The following ARHGAP32 variants were observed in gnomAD, a reference collection of about 807,000 sequenced individuals.
ARHGAP32 encodes the protein Rho GTPase activating protein 32, also known as rho GTPase-activating protein 32.
A neutral mutation model predicts 186.5 loss-of-function variants in ARHGAP32; 51 were observed. The ratio of observed to expected loss-of-function variants is 0.27; its 90% CI spans 0.22 to 0.35. The LOEUF (loss-of-function observed/expected upper bound fraction) is 0.35, where lower values mean the gene tolerates loss of function less well. Ranked by LOEUF, ARHGAP32 falls within the 10% of genes least tolerant of loss-of-function variation. The pLI is 1.00. For missense variants in ARHGAP32, 2,186 were observed against 2,623.5 expected (o/e 0.83, Z 3.64); for synonymous variants, 950 against 964.3 (o/e 0.99, Z 0.27).
Position 129,123,605 on chromosome 11 carries a change from T to A in ARHGAP32, c.360-75A>T. On this transcript the variant is annotated intron_variant, in intron 4 of 22. Coordinates refer to ENST00000682385, the MANE Select transcript of ARHGAP32 (RefSeq NM_001378024.1). This position sits in a 1 kb window ranked among gnomAD's most constrained non-coding sequence, Gnocchi z 4.6. The stretch of plus-strand genomic sequence containing the variant: ...TACTAAGTTTAAGGGAAAAATACAG[T>A]GGATTTAAGAGCTCATGCAAGCAAA... The A allele has an allele frequency of 7.4e-7, 1 of 1,359,822 alleles. No individual in the cohort carries two copies. The highest frequency in any genetic ancestry group is 1.0e-6 in the Non-Finnish European group (1 of 967,000). 84.2% of individuals were successfully genotyped at this position (1,359,822 alleles called of 1,614,324 possible). A position where few individuals can be genotyped will look rare whatever the true frequency, so the allele number is the denominator to read the frequency against.
intron 1 of ARHGAP32, among the ~76,000 whole-genome samples, chr11:129,228,395 A>G (rs1944813477): frequency 6.6e-6 from 1 of 152,208 alleles, no homozygotes; most frequent in Non-Finnish European, 1.5e-5. Context: ...GAAAAAAATA[A>G]GAGTAAAATC....
At chr11:128,976,114 T>TCACCCATAAAATTA (rs1945536119) in intron 20 of ARHGAP32, among the ~76,000 whole-genome samples, 6 of 151,644 alleles carry the variant, frequency 4.0e-5, no homozygotes, top group Admixed American at 3.9e-4. Flanking sequence ...CACAAATGTA[T>TCACCCATAAAATTA]TGATCACCCA....
chr11:129,073,237 C>G (rs577343380), intron 6 of ARHGAP32, among the ~76,000 whole-genome samples: 1 of 151,990 alleles, frequency 6.6e-6, no homozygotes, highest in East Asian at 1.9e-4. Flanking sequence ...AAAAAAACAC[C>G]GTTTAAAAAG....
intron 10 of ARHGAP32, among the ~76,000 whole-genome samples, chr11:129,042,399 G>A (rs1274349523): frequency 1.3e-5 from 2 of 152,174 alleles, no homozygotes; most frequent in Non-Finnish European, 2.9e-5. Flanking sequence ...GGATTCCTAT[G>A]CACTGCCTTC....
At chr11:129,186,667 GAAAAAAT>G (rs1944167632) in intron 1 of ARHGAP32, among the ~76,000 whole-genome samples, 1 of 152,032 alleles carries the variant, frequency 6.6e-6, no homozygotes, top group Non-Finnish European at 1.5e-5. Flanking sequence ...AACTCTATAG[GAAAAAAT>G]GTAATAATCC....
intron 5 of ARHGAP32, among the ~76,000 whole-genome samples, chr11:129,117,390 A>G (rs1018566355): frequency 1.3e-5 from 2 of 151,956 alleles, no homozygotes; most frequent in Non-Finnish European, 2.9e-5. Context: ...TTTTTATTGT[A>G]ATTCTGATTA....
chr11:129,076,515 T>C (rs183455230), intron 6 of ARHGAP32, among the ~76,000 whole-genome samples: 6 of 152,054 alleles, frequency 3.9e-5, no homozygotes, highest in Admixed American at 1.3e-4. Context: ...TAGTCAATAA[T>C]AGAAAAAATA....
rs1313131252 is a variant in ARHGAP32, at chr11:129,124,892, T to C, written c.228A>G (p.Ala76=). Residue 76 remains alanine, a splice_region_variant and synonymous_variant, in exon 3 of 23, where the codon GCA becomes GCG. Coordinates refer to ENST00000682385, the MANE Select transcript of ARHGAP32 (RefSeq NM_001378024.1). ...PDWEETLSAM[A]RGADVPEIPG... ...GAATCTCTGGAACATCTGCGCCTCTTGCCTTAAAAAATAAAGACAAAATAT... is the reference window on the plus strand; with the variant it reads ...GAATCTCTGGAACATCTGCGCCTCTCGCCTTAAAAAATAAAGACAAAATAT... 1 of 1,604,124 alleles carries C rather than the reference T, an allele frequency of 6.2e-7. No individual in the cohort carries two copies. The highest frequency in any genetic ancestry group is 1.3e-5 in the African/African-American group (1 of 74,426).
In ARHGAP32 at chr11:128,974,336, T is replaced by C; in HGVS notation, c.2861A>G (p.Asp954Gly). ...TAQNASSSTW[D>G]KCVEERDATN... ...GGCATCCCTTTCTTCAACGCATTTGTCCCAGGTTGAAGATGATGCATTCTG... is the reference window on the plus strand; with the variant it reads ...GGCATCCCTTTCTTCAACGCATTTGCCCCAGGTTGAAGATGATGCATTCTG... Residue 954 changes from aspartate (D) to glycine (G), a missense_variant, in exon 21 of 23, where the codon GAC becomes GGC. Physicochemically the swap from Asp to Gly is moderately conservative, Grantham distance 94 (BLOSUM62 -1). This residue lies in a region of ARHGAP32 where 1,502 missense variants were observed against 1,570.0 expected (regional missense o/e 0.96). Transcript: ENST00000682385. The C allele has an allele frequency of 6.2e-7, 1 of 1,614,238 alleles. No individual in the cohort carries two copies. The highest frequency in any genetic ancestry group is 8.5e-7 in the Non-Finnish European group (1 of 1,180,054).
At chr11:129,011,836 A>G (rs547952271) in intron 11 of ARHGAP32, among the ~76,000 whole-genome samples, 1 of 152,262 alleles carries the variant, frequency 6.6e-6, no homozygotes, top group East Asian at 1.9e-4. Flanking sequence ...CAAAAAAGCA[A>G]AGCAGAGAAC....
intron 11 of ARHGAP32, among the ~76,000 whole-genome samples, chr11:129,012,663 G>T (rs1315215099): frequency 6.6e-6 from 1 of 151,990 alleles, no homozygotes; most frequent in Non-Finnish European, 1.5e-5. Context: ...GATCATAAAA[G>T]ATCAAATAAA....
At chr11:129,238,466 C>T (rs1944966173) in intron 1 of ARHGAP32, among the ~76,000 whole-genome samples, 1 of 152,168 alleles carries the variant, frequency 6.6e-6, no homozygotes, top group Admixed American at 6.6e-5. Flanking sequence ...ACTGGATTTA[C>T]TAGTCATTTC....
At chr11:129,237,703 T>C (rs997888711) in intron 1 of ARHGAP32, among the ~76,000 whole-genome samples, 2 of 152,050 alleles carry the variant, frequency 1.3e-5, no homozygotes, top group Non-Finnish European at 2.9e-5. Context: ...AACAAAGTGA[T>C]AGGAGAAAAG....
At chr11:129,170,947 T>C (rs1177587273) in intron 1 of ARHGAP32, among the ~76,000 whole-genome samples, 1 of 152,246 alleles carries the variant, frequency 6.6e-6, no homozygotes, top group Non-Finnish European at 1.5e-5. Flanking sequence ...TTCATGTTTG[T>C]TGGCCACAGA....
intron 1 of ARHGAP32, among the ~76,000 whole-genome samples, chr11:129,216,332 T>C (rs1031866720): frequency 6.6e-6 from 1 of 152,174 alleles, no homozygotes; most frequent in Non-Finnish European, 1.5e-5. Flanking sequence ...TTTGATATTC[T>C]TTTTCTCTCT....
intron 11 of ARHGAP32, among the ~76,000 whole-genome samples, chr11:129,016,403 G>T (rs61910962): frequency 0.16 from 23,720 of 152,068 alleles, 2,297 homozygotes; most frequent in African/African-American, 0.27. Flanking sequence ...TAAACATATT[G>T]CCCTATTTCT....
At chr11:129,009,952 C>T (rs938355348) in intron 11 of ARHGAP32, among the ~76,000 whole-genome samples, 2 of 152,150 alleles carry the variant, frequency 1.3e-5, no homozygotes, top group African/African-American at 4.8e-5. Flanking sequence ...AAAAGTGCTC[C>T]TTTTTCTCTG....
At chr11:129,040,655 A>T (rs1021690232) in intron 11 of ARHGAP32, among the ~76,000 whole-genome samples, 1 of 152,200 alleles carries the variant, frequency 6.6e-6, no homozygotes, top group Admixed American at 6.5e-5. Flanking sequence ...TTATTCATTA[A>T]GTTACAATGC....
In ARHGAP32 at chr11:128,967,635, T is replaced by C. The variant is rs1945249608; in HGVS notation, c.*1272A>G. ...ATGTCTCCAGAGTTATAAAGAGCTA[T>C]ACCTGAAATGCTGGTGTAGATGGTA... On this transcript the variant is annotated 3_prime_UTR_variant, in exon 23 of 23. Transcript: ENST00000682385. 6.6e-6 allele frequency: 1 copy of C among 152,230 alleles called. No individual in the cohort carries two copies. The highest frequency in any genetic ancestry group is 6.5e-5 in the Admixed American group (1 of 15,276). The allele number at this position is 152,230 out of a possible 1,614,324, so 9.4% of individuals were successfully genotyped here. A position where few individuals can be genotyped will look rare whatever the true frequency, so the allele number is the denominator to read the frequency against.
Sources: gnomAD v4.1 joint callset for allele counts (sites outside exome capture counted in the v4.1 genomes callset) on GRCh38, gnomAD v4.1.1 for gene constraint, gnomAD v4.1.1 regional missense constraint, Gnocchi (gnomAD v3.1) non-coding constraint, MANE v1.5 for transcripts, NCBI Gene and HGNC (gene_info 2026-07-23, HGNC 2026-07-21) for gene names.